SPAG16: variants seen among roughly 807,000 people sequenced by gnomAD.
SPAG16 encodes sperm associated antigen 16, also known as sperm-associated antigen 16 protein.
SPAG16 carries 86 observed loss-of-function variants against 80.4 expected under a neutral mutation model. That is an observed-to-expected ratio of 1.07 (90% CI 0.90 to 1.28). The LOEUF (loss-of-function observed/expected upper bound fraction) is 1.28. Ranked by LOEUF, SPAG16 falls within the 50% of genes most tolerant of loss-of-function variation. SPAG16 has a pLI of 0.00. For synonymous variants in SPAG16, 294 were observed against 265.9 expected, an observed-to-expected ratio of 1.11 and a Z score of -1.03; for missense variants, 870 against 765.3, an observed-to-expected ratio of 1.14 and a Z score of -1.61.
chr2:213,389,389 G>A (rs1319674861), intron 9 of SPAG16, among the ~76,000 whole-genome samples: 1 of 152,006 alleles, frequency 6.6e-6, no homozygotes, highest in Non-Finnish European at 1.5e-5. Context: ...AAAGGCACAG[G>A]CAACAATAGA....
At position 214,274,196 on chromosome 2, in the gene SPAG16, G is replaced by A. The variant is rs190672798; in HGVS notation, c.1720+124930G>A. Among the ~76,000 whole-genome samples, 19 of 152,264 alleles carry A rather than the reference G, an allele frequency of 1.2e-4. No homozygotes were observed. The East Asian group carries it at 1.5e-3, about 12-fold the overall frequency. On this transcript the variant is annotated intron_variant, in intron 15 of 15. Transcript: ENST00000331683. ...GCTTCTCAGCTTAAGGAGATTTTGC[G>A]CTGAGACAGTGAGCTTTCTAATATA...
chr2:213,591,925 T>C (rs2060706908), intron 10 of SPAG16, among the ~76,000 whole-genome samples: 1 of 152,168 alleles, frequency 6.6e-6, no homozygotes, highest in Non-Finnish European at 1.5e-5. Flanking sequence ...CTTGCTAGAA[T>C]TAAACAATGC....
intron 10 of SPAG16, among the ~76,000 whole-genome samples, chr2:213,556,944 G>T (rs757739466): frequency 1.3e-5 from 2 of 152,064 alleles, no homozygotes; most frequent in Non-Finnish European, 2.9e-5. Context: ...GTATCTGCCA[G>T]ATTTCCAAAA....
intron 10 of SPAG16, among the ~76,000 whole-genome samples, chr2:213,551,767 A>G (rs1309163381): frequency 6.6e-6 from 1 of 152,150 alleles, no homozygotes. Context: ...GAATTTTTCA[A>G]CAGTGACGTC....
chr2:213,663,417 GTAAAT>G (rs1322443560), intron 10 of SPAG16, among the ~76,000 whole-genome samples: 1 of 151,940 alleles, frequency 6.6e-6, no homozygotes, highest in Non-Finnish European at 1.5e-5. Context: ...AAACAAAAAA[GTAAAT>G]TAAATTGTTG....
intron 12 of SPAG16, among the ~76,000 whole-genome samples, chr2:213,990,563 A>G (rs2046229773): frequency 6.6e-6 from 1 of 152,126 alleles, no homozygotes; most frequent in Admixed American, 6.6e-5. Context: ...TAAGCTAGAG[A>G]AAAGAAAAAT....
At chr2:213,980,450 C>A (rs1206015893) in intron 12 of SPAG16, among the ~76,000 whole-genome samples, 50 of 31,672 alleles carry the variant, frequency 1.6e-3, no homozygotes, top group African/African-American at 2.1e-3. Context: ...TATATATATT[C>A]TATATATATA....
At chr2:214,365,068 C>G (rs1266463071) in intron 15 of SPAG16, among the ~76,000 whole-genome samples, 1 of 152,000 alleles carries the variant, frequency 6.6e-6, no homozygotes, top group Non-Finnish European at 1.5e-5. Context: ...TCCAAAGGAC[C>G]AAGGAATGTG....
intron 10 of SPAG16, among the ~76,000 whole-genome samples, chr2:213,794,345 T>A (rs900574043): frequency 6.6e-6 from 1 of 152,132 alleles, no homozygotes; most frequent in African/African-American, 2.4e-5. Flanking sequence ...ACAGTTTTAA[T>A]ATATAAATGA....
At chr2:213,680,259 G>C (rs2064311025) in intron 10 of SPAG16, among the ~76,000 whole-genome samples, 1 of 152,014 alleles carries the variant, frequency 6.6e-6, no homozygotes, top group South Asian at 2.1e-4. Flanking sequence ...CTTTGATAAG[G>C]AGCCTTGTTT....
intron 15 of SPAG16, among the ~76,000 whole-genome samples, chr2:214,364,391 T>C (rs1699358515): frequency 6.6e-6 from 1 of 152,170 alleles, no homozygotes; most frequent in Admixed American, 6.6e-5. Context: ...AGGTACTTAC[T>C]CCTCTGTGTT....
chr2:214,330,970 G>A (rs993469272), intron 15 of SPAG16, among the ~76,000 whole-genome samples: 1 of 152,184 alleles, frequency 6.6e-6, no homozygotes, highest in Non-Finnish European at 1.5e-5. Context: ...ACTTACAGGA[G>A]AAAGTTTCTT....
intron 9 of SPAG16, among the ~76,000 whole-genome samples, chr2:213,464,175 G>A (rs1314248018): frequency 6.6e-6 from 1 of 152,188 alleles, no homozygotes; most frequent in Non-Finnish European, 1.5e-5. Context: ...GGTCTAGAAG[G>A]AAATCATTGG....
chr2:214,323,804 G>A (rs991229213), intron 15 of SPAG16, among the ~76,000 whole-genome samples: 1 of 152,134 alleles, frequency 6.6e-6, no homozygotes, highest in Admixed American at 6.5e-5. Flanking sequence ...ATTATAAAAT[G>A]CAAGGGCTAG....
intron 15 of SPAG16, among the ~76,000 whole-genome samples, chr2:214,274,942 G>A (rs1477650846): frequency 2.0e-5 from 3 of 151,990 alleles, no homozygotes; most frequent in Non-Finnish European, 4.4e-5. Context: ...TTTTTTGGTT[G>A]GTAGGCTATT....
intron 10 of SPAG16, among the ~76,000 whole-genome samples, chr2:213,558,411 A>C (rs1426643445): frequency 2.6e-5 from 4 of 152,074 alleles, no homozygotes; most frequent in African/African-American, 9.6e-5. Context: ...TTATAATAAA[A>C]TATGAATAAA....
chr2:214,282,774 A>T (rs1559179754), intron 15 of SPAG16, among the ~76,000 whole-genome samples: 1 of 152,224 alleles, frequency 6.6e-6, no homozygotes. Context: ...ATGAGGAGTA[A>T]TTGGCAACAA....
chr2:214,135,670 G>A (rs1460809288), intron 14 of SPAG16, among the ~76,000 whole-genome samples: 1 of 151,672 alleles, frequency 6.6e-6, no homozygotes, highest in Non-Finnish European at 1.5e-5. Flanking sequence ...ACAAGAGCTG[G>A]TTGTTAAAAA....
chr2:214,404,448 G>A (rs1374003737), intron 15 of SPAG16, among the ~76,000 whole-genome samples: 2 of 152,086 alleles, frequency 1.3e-5, no homozygotes, highest in Admixed American at 6.6e-5. Context: ...CTGCTACTGC[G>A]ATCATTGTTC....
Sources: gnomAD v4.1 joint callset for allele counts (sites outside exome capture counted in the v4.1 genomes callset) on GRCh38, gnomAD v4.1.1 for gene constraint, MANE v1.5 for transcripts, NCBI Gene and HGNC (gene_info 2026-07-23, HGNC 2026-07-21) for gene names.